The following SORCS2 variants were observed in gnomAD, a reference collection of about 807,000 sequenced individuals.
SORCS2 encodes sortilin related VPS10 domain containing receptor 2, also known as VPS10 domain-containing receptor SorCS2.
In SORCS2, 100 loss-of-function variants were observed where a neutral mutation model predicts 141.6. The ratio of observed to expected loss-of-function variants is 0.71; its 90% CI spans 0.60 to 0.83. The LOEUF (loss-of-function observed/expected upper bound fraction) is 0.83. SORCS2 is among the 40% of genes least tolerant of loss of function. The pLI is 0.00. For missense variants in SORCS2, 1,646 were observed against 1,560.2 expected (o/e 1.05, Z -0.93); for synonymous variants, 789 against 676.9 (o/e 1.17, Z -2.57).
At chr4:7,272,726 A>T (rs766614257) in intron 1 of SORCS2, among the ~76,000 whole-genome samples, 1 of 152,244 alleles carries the variant, frequency 6.6e-6, no homozygotes, top group Admixed American at 6.5e-5. Flanking sequence ...AAGGAACAAT[A>T]CCATCCGCGG....
chr4:7,731,048 G>A (rs991744032), intron 23 of SORCS2, among the ~76,000 whole-genome samples: 1 of 152,176 alleles, frequency 6.6e-6, no homozygotes, highest in Non-Finnish European at 1.5e-5. Context: ...GAGAAGTGAG[G>A]CTTGGCGAGG....
chr4:7,306,519 G>A (rs1717843260), intron 1 of SORCS2, among the ~76,000 whole-genome samples: 1 of 152,190 alleles, frequency 6.6e-6, no homozygotes, highest in South Asian at 2.1e-4. Context: ...AGGGAGTTCA[G>A]AACAGAGGGG....
At chr4:7,366,589 C>T (rs1326586059) in intron 1 of SORCS2, among the ~76,000 whole-genome samples, 1 of 151,362 alleles carries the variant, frequency 6.6e-6, no homozygotes, top group Non-Finnish European at 1.5e-5. Context: ...TGTCTTTGCA[C>T]TGGCAGTTCC....
chr4:7,395,333 G>A (rs527835242), intron 1 of SORCS2, among the ~76,000 whole-genome samples: 4 of 152,304 alleles, frequency 2.6e-5, no homozygotes, highest in African/African-American at 9.6e-5. Context: ...CCCAAATAAC[G>A]AGGCTAACAG....
At position 7,266,061 on chromosome 4, in the gene SORCS2, C is replaced by T. The variant is rs549156304; in HGVS notation, c.480+72935C>T. 2.6e-5 allele frequency among the ~76,000 whole-genome samples: 4 copies of T among 152,316 alleles called. No individual in the cohort carries two copies. In the East Asian group the frequency reaches 7.7e-4, roughly 29 times the overall value. ...CCCTGCACTTCCACAAGACTCAGAC[C>T]TGACCCTAAATTTCCCTTTTTTCTG... On this transcript the variant is annotated intron_variant, in intron 1 of 26. Coordinates refer to ENST00000507866, the MANE Select transcript of SORCS2 (RefSeq NM_020777.3).
chr4:7,616,903 C>G (rs2108819581), intron 3 of SORCS2, among the ~76,000 whole-genome samples: 1 of 152,324 alleles, frequency 6.6e-6, no homozygotes, highest in African/African-American at 2.4e-5. Flanking sequence ...GCTCCAGGCT[C>G]CCTGGGGCTG....
intron 2 of SORCS2, among the ~76,000 whole-genome samples, chr4:7,409,323 G>GTC (rs1210346636): frequency 1.3e-5 from 2 of 152,144 alleles, no homozygotes; most frequent in Non-Finnish European, 2.9e-5. Context: ...AATAGGGGAG[G>GTC]TCTCAAAGGG....
chr4:7,726,871 T>A lies in SORCS2; in HGVS notation c.2837T>A (p.Val946Glu). Residue 946 changes from valine to glutamate, a missense_variant, in exon 21 of 27, where the codon GTG becomes GAG. Coordinates refer to ENST00000507866, the MANE Select transcript of SORCS2 (RefSeq NM_020777.3). ...GTGCAGGCCGCCTGTGGGAACTCGGTGCTGCAGGACTCCAGGGTCCTCCGT... is the reference window on the plus strand; with the variant it reads ...GTGCAGGCCGCCTGTGGGAACTCGGAGCTGCAGGACTCCAGGGTCCTCCGT... ...VTVQAACGNS[V>E]LQDSRVLRVL... The A allele has an allele frequency of 6.2e-7, 1 of 1,613,754 alleles. No homozygotes were observed. Among genetic ancestry groups the A allele is most frequent in the Non-Finnish European group, 8.5e-7 (1 of 1,179,806 alleles).
At chr4:7,433,762 C>G (rs149921436) in intron 2 of SORCS2, 4 of 1,613,334 alleles carry the variant, frequency 2.5e-6, no homozygotes, top group Non-Finnish European at 3.4e-6. Flanking sequence ...ATGGACTGCC[C>G]GGGCCCGCCT....
chr4:7,268,340 G>C (rs1409991902), intron 1 of SORCS2, among the ~76,000 whole-genome samples: 1 of 152,210 alleles, frequency 6.6e-6, no homozygotes, highest in Non-Finnish European at 1.5e-5. Flanking sequence ...GTGGGGAGTT[G>C]TCAAAGGCCT....
At chr4:7,375,587 T>A (rs1722587581) in intron 1 of SORCS2, among the ~76,000 whole-genome samples, 1 of 152,196 alleles carries the variant, frequency 6.6e-6, no homozygotes, top group South Asian at 2.1e-4. Context: ...ACTTCCTCGA[T>A]TGCATGGAGG....
At chr4:7,600,781 T>C (rs1717617969) in intron 3 of SORCS2, among the ~76,000 whole-genome samples, 1 of 152,168 alleles carries the variant, frequency 6.6e-6, no homozygotes, top group South Asian at 2.1e-4. Context: ...CCCTAGCAAA[T>C]ATTTTGTCTT....
chr4:7,435,310 C>G (rs902583593), intron 2 of SORCS2, among the ~76,000 whole-genome samples: 2 of 152,224 alleles, frequency 1.3e-5, no homozygotes, highest in African/African-American at 2.4e-5. Context: ...CGAGGAGTCT[C>G]TGCCCCCATT....
In SORCS2 at chr4:7,484,207, C is replaced by T. The variant is rs113169097; in HGVS notation, c.549-47323C>T. ...AACCTTCCCACAGCTCGCGTCCCTG[C>T]GCCGGCAGATCGCCGCTGAGTCTGA... On this transcript the variant is annotated intron_variant, in intron 2 of 26. Transcript: ENST00000507866. Among the ~76,000 whole-genome samples the T allele has an allele frequency of 2.3e-3, 352 of 152,332 alleles. 4 individuals are homozygous for T. Among genetic ancestry groups the T allele is most frequent in the African/African-American group, 7.6e-3 (316 of 41,568 alleles).
At chr4:7,269,911 A>G (rs1715001811) in intron 1 of SORCS2, among the ~76,000 whole-genome samples, 3 of 152,222 alleles carry the variant, frequency 2.0e-5, no homozygotes. Context: ...ATGGAGTCTC[A>G]CTTTGTCACC....
intron 11 of SORCS2, among the ~76,000 whole-genome samples, chr4:7,696,680 A>C (rs1278504661): frequency 1.3e-5 from 2 of 152,008 alleles, no homozygotes; most frequent in South Asian, 4.2e-4. Context: ...TTTGGTGCCC[A>C]CCTCACCTTC....
chr4:7,491,051 C>G (rs772922558), intron 2 of SORCS2, among the ~76,000 whole-genome samples: 2 of 152,216 alleles, frequency 1.3e-5, no homozygotes, highest in Admixed American at 6.5e-5. Context: ...ACCTTCTGCT[C>G]TTTTCCCTTT....
chr4:7,734,547 C>A (rs1711999415), intron 25 of SORCS2, among the ~76,000 whole-genome samples, 173 bp downstream of exon 25: 1 of 152,136 alleles, frequency 6.6e-6, no homozygotes, highest in Admixed American at 6.5e-5. Context: ...GGCTCTGTAC[C>A]ACCTGTGGGG....
At chr4:7,500,082 C>T (rs1261382884) in intron 2 of SORCS2, among the ~76,000 whole-genome samples, 6 of 152,188 alleles carry the variant, frequency 3.9e-5, no homozygotes, top group Non-Finnish European at 8.8e-5. Flanking sequence ...ACCTCACGGG[C>T]TTTCTTTCCG....
Sources: gnomAD v4.1 joint callset for allele counts (sites outside exome capture counted in the v4.1 genomes callset) on GRCh38, gnomAD v4.1.1 for gene constraint, MANE v1.5 for transcripts, NCBI Gene and HGNC (gene_info 2026-07-23, HGNC 2026-07-21) for gene names.